UVRAG: variants seen among roughly 807,000 people sequenced by gnomAD.
UVRAG encodes the protein UV radiation resistance-associated gene protein.
In UVRAG, 19 loss-of-function variants were observed where a neutral mutation model predicts 78.0. The observed-to-expected ratio is 0.24, with a 90% CI of 0.17 to 0.36. UVRAG has a LOEUF of 0.36. UVRAG is among the 10% of genes least tolerant of loss of function. The pLI, the probability that UVRAG is intolerant of heterozygous loss-of-function variation, is 1.00. For synonymous variants in UVRAG, 323 were observed against 324.6 expected, an observed-to-expected ratio of 1.00 and a Z score of 0.05; for missense variants, 740 against 853.8, an observed-to-expected ratio of 0.87 and a Z score of 1.66.
chr11:76,003,145 C>T (rs1012457708), intron 8 of UVRAG, among the ~76,000 whole-genome samples: 9 of 150,978 alleles, frequency 6.0e-5, no homozygotes, highest in African/African-American at 2.2e-4. Flanking sequence ...AATTCACATT[C>T]ATGGAGTTAA....
rs72999587 is a variant in UVRAG, at chr11:75,992,640, G to A, written c.826+9127G>A. Among the ~76,000 whole-genome samples the A allele has an allele frequency of 8.9e-3, 1,358 of 152,184 alleles. 8 individuals carry two copies. The highest frequency in any genetic ancestry group is 0.023 in the South Asian group (112 of 4,816). On this transcript the variant is annotated intron_variant, in intron 8 of 14. Transcript: ENST00000356136. ...CCACATTTATTTACTAGCATAACCT[G>A]GTCTACTTTTTGGGCACCTGTGTTC...
chr11:75,898,891 G>T (rs538810239), intron 5 of UVRAG, among the ~76,000 whole-genome samples: 3 of 152,128 alleles, frequency 2.0e-5, no homozygotes, highest in Admixed American at 1.3e-4. Context: ...CATACTAATG[G>T]ATACTAACTT....
At chr11:76,079,326 A>G (rs953553514) in intron 13 of UVRAG, among the ~76,000 whole-genome samples, 1 of 151,978 alleles carries the variant, frequency 6.6e-6, no homozygotes, top group South Asian at 2.1e-4. Flanking sequence ...TCTACAAAAA[A>G]TTAAAAAAAT....
chr11:76,007,413 G>T, intron 9 of UVRAG, 121 bp from the exon 10 acceptor site: 1 of 717,722 alleles, frequency 1.4e-6, no homozygotes, highest in South Asian at 1.9e-5. Flanking sequence ...TTCTACTTCT[G>T]AGTTTCTGTG....
intron 4 of UVRAG, among the ~76,000 whole-genome samples, chr11:75,887,836 G>A (rs909046335): frequency 3.1e-4 from 47 of 152,016 alleles, no homozygotes; most frequent in African/African-American, 1.1e-3. Context: ...CGCCCGCTTC[G>A]GCCTCCCAAA....
chr11:76,140,703 T>C lies in UVRAG; in HGVS notation c.1398-8T>C. On this transcript the variant is annotated splice_polypyrimidine_tract_variant and splice_region_variant and intron_variant, in intron 14 of 14. Coordinates refer to ENST00000356136, the MANE Select transcript of UVRAG (RefSeq NM_003369.4). ...CAAAGTAACTTCTTGTTTTTGTTTC[T>C]CTTCTAGTGACAGACATCACACCTC... is the stretch of plus-strand genomic sequence containing the variant. 1 of 1,551,534 alleles carries C rather than the reference T, an allele frequency of 6.4e-7. No homozygotes were observed. Among genetic ancestry groups the C allele is most frequent in the Non-Finnish European group, 8.7e-7 (1 of 1,153,146 alleles).
chr11:76,109,869 A>G (rs1952040959), intron 13 of UVRAG, among the ~76,000 whole-genome samples: 1 of 152,214 alleles, frequency 6.6e-6, no homozygotes, highest in Non-Finnish European at 1.5e-5. Context: ...GCGTGACCAT[A>G]CAGCAGAGCT....
chr11:76,069,799 C>T (rs1951266194), intron 13 of UVRAG, among the ~76,000 whole-genome samples: 1 of 151,974 alleles, frequency 6.6e-6, no homozygotes, highest in Non-Finnish European at 1.5e-5. Context: ...GCAGAGATCC[C>T]CTTACTTCTA....
At chr11:76,009,803 T>C (rs1281050187) in intron 11 of UVRAG, among the ~76,000 whole-genome samples, 1 of 152,206 alleles carries the variant, frequency 6.6e-6, no homozygotes, top group Admixed American at 6.5e-5. Flanking sequence ...GTATAAACCA[T>C]GTAATTTGGA....
chr11:75,844,957 TG>T (rs1168972118), intron 1 of UVRAG, among the ~76,000 whole-genome samples: 7 of 152,220 alleles, frequency 4.6e-5, no homozygotes, highest in African/African-American at 1.7e-4. Context: ...TAAACCATCA[TG>T]ACCAGCCAGA....
intron 2 of UVRAG, among the ~76,000 whole-genome samples, chr11:75,856,520 C>A (rs1009282579): frequency 6.6e-6 from 1 of 152,050 alleles, no homozygotes; most frequent in Non-Finnish European, 1.5e-5. Context: ...TCACAGCTCA[C>A]TATAGCCTCA....
chr11:76,014,836 A>G (rs557411430), intron 11 of UVRAG, among the ~76,000 whole-genome samples: 12 of 152,352 alleles, frequency 7.9e-5, no homozygotes. Context: ...CAAATTTATA[A>G]TGTAAAGTAC....
chr11:76,110,211 C>CATATATATATATATATAT lies in UVRAG; in HGVS notation c.1306-5710_1306-5693dup, dbSNP rs10526191. ...GTGGAGAATATATATATATCTGGTA[C>CATATATATATATATATAT]ATATATATATATATATATATGTATT... On this transcript the variant is annotated intron_variant, in intron 13 of 14. Transcript: ENST00000356136. 1.0e-2 allele frequency among the ~76,000 whole-genome samples: 1,361 copies of CATATATATATATATATAT among 136,506 alleles called. 27 individuals are homozygous for CATATATATATATATATAT. The highest frequency in any genetic ancestry group is 0.032 in the African/African-American group (1,059 of 33,560). The allele number at this position is 136,506 out of a possible 152,430, so 89.6% of individuals were successfully genotyped here.
intron 11 of UVRAG, among the ~76,000 whole-genome samples, chr11:76,016,183 A>G (rs542739272): frequency 1.3e-5 from 2 of 152,294 alleles, no homozygotes; most frequent in African/African-American, 2.4e-5. Flanking sequence ...GCTTCCACCT[A>G]TATTACATAA....
intron 12 of UVRAG, among the ~76,000 whole-genome samples, chr11:76,053,483 C>A (rs529066614): frequency 5.9e-5 from 9 of 152,130 alleles, no homozygotes; most frequent in African/African-American, 2.2e-4. Flanking sequence ...ACAATCAATC[C>A]ATCACAAAAT....
At position 76,055,550 on chromosome 11, in the gene UVRAG, A is replaced by G. The variant is rs367783051; in HGVS notation, c.1227-10160A>G. ...TATCTTTCCATTTATCTATCTGTTT[A>G]TCTATTATATCAACCTATTTATTTC... On this transcript the variant is annotated intron_variant, in intron 12 of 14. Transcript: ENST00000356136. Among the ~76,000 whole-genome samples the G allele has an allele frequency of 3.0e-4, 45 of 152,254 alleles. No individual in the cohort carries two copies. The South Asian group carries it at 9.3e-3, about 32-fold the overall frequency.
At chr11:76,091,427 A>G (rs1380684144) in intron 13 of UVRAG, among the ~76,000 whole-genome samples, 1 of 152,138 alleles carries the variant, frequency 6.6e-6, no homozygotes, top group South Asian at 2.1e-4. Context: ...AGTTCTGGGA[A>G]AATTCCTTGA....
chr11:75,902,437 G>A (rs1947524413), intron 5 of UVRAG, among the ~76,000 whole-genome samples: 1 of 152,200 alleles, frequency 6.6e-6, no homozygotes, highest in Non-Finnish European at 1.5e-5. Flanking sequence ...AGGAGGGGGA[G>A]CTCAGGTGGT....
chr11:76,004,057 A>G lies in UVRAG; in HGVS notation c.879A>G (p.Leu293=), dbSNP rs945483497. Residue 293 remains leucine (L), a synonymous_variant, in exon 9 of 15, where the codon CTA becomes CTG. Coordinates refer to ENST00000356136, the MANE Select transcript of UVRAG (RefSeq NM_003369.4). ...HLKLQLQKES[L]NELRKECTAK... ...AACTTCAACTCCAGAAGGAATCCCT[A>G]AATGAGCTGAGGAAGGAGTGCACTG... 6.2e-7 allele frequency: 1 copy of G among 1,614,030 alleles called. No individual in the cohort carries two copies. The highest frequency in any genetic ancestry group is 1.1e-5 in the South Asian group (1 of 91,076).
Sources: gnomAD v4.1 joint callset for allele counts (sites outside exome capture counted in the v4.1 genomes callset) on GRCh38, gnomAD v4.1.1 for gene constraint, MANE v1.5 for transcripts, NCBI Gene and HGNC (gene_info 2026-07-23, HGNC 2026-07-21) for gene names.